Variants in LIN7A observed in about 807,000 individuals in gnomAD.
The protein encoded by LIN7A is protein lin-7 homolog A.
LIN7A carries 25 observed loss-of-function variants against 29.8 expected under a neutral mutation model. The ratio of observed to expected loss-of-function variants is 0.84; its 90% CI spans 0.61 to 1.17. The LOEUF (loss-of-function observed/expected upper bound fraction) is 1.17, where lower values mean the gene tolerates loss of function less well. LIN7A is among the 50% of genes most tolerant of loss of function. The pLI is 0.00. For synonymous variants in LIN7A, 118 were observed against 107.5 expected (o/e 1.10, Z -0.60); for missense variants, 239 against 287.0 (o/e 0.83, Z 1.21).
At chr12:80,925,249 GT>G (rs1291532370) in intron 1 of LIN7A, among the ~76,000 whole-genome samples, 1 of 152,188 alleles carries the variant, frequency 6.6e-6, no homozygotes, top group Non-Finnish European at 1.5e-5. Context: ...TATTTAAAAT[GT>G]GTTAATTGAA....
intron 4 of LIN7A, among the ~76,000 whole-genome samples, chr12:80,840,357 C>T (rs1404213188): frequency 6.6e-6 from 1 of 152,170 alleles, no homozygotes; most frequent in Non-Finnish European, 1.5e-5. Flanking sequence ...TGGTAAGCAT[C>T]AGTTATGATT....
intron 2 of LIN7A, among the ~76,000 whole-genome samples, chr12:80,855,563 A>G (rs1359042862): frequency 6.6e-6 from 1 of 152,120 alleles, no homozygotes; most frequent in Non-Finnish European, 1.5e-5. Flanking sequence ...TAGTTGGAAA[A>G]CATTCATAAT....
At chr12:80,894,583 AGT>A (rs1346533463) in intron 1 of LIN7A, among the ~76,000 whole-genome samples, 2 of 152,206 alleles carry the variant, frequency 1.3e-5, no homozygotes, top group African/African-American at 4.8e-5. Context: ...AATTTTGGAA[AGT>A]GAAACCACAG....
intron 2 of LIN7A, among the ~76,000 whole-genome samples, chr12:80,877,024 AG>A (rs1874741611): frequency 6.7e-6 from 1 of 149,688 alleles, no homozygotes; most frequent in South Asian, 2.1e-4. Flanking sequence ...GGGGAGGCTA[AG>A]GTAGGAGAAT....
chr12:80,856,225 A>C (rs749337204), intron 2 of LIN7A, among the ~76,000 whole-genome samples: 9 of 152,224 alleles, frequency 5.9e-5, no homozygotes, highest in Non-Finnish European at 1.2e-4. Context: ...TTTCCAGAGT[A>C]CTATCTTTCT....
At chr12:80,844,614 T>A (rs925084609) in intron 4 of LIN7A, among the ~76,000 whole-genome samples, 1 of 152,136 alleles carries the variant, frequency 6.6e-6, no homozygotes, top group African/African-American at 2.4e-5. Context: ...AATCGAAAGG[T>A]AACATTGATA....
chr12:80,848,553 T>A (rs1324582941), intron 2 of LIN7A, among the ~76,000 whole-genome samples: 1 of 152,058 alleles, frequency 6.6e-6, no homozygotes, highest in Non-Finnish European at 1.5e-5. Flanking sequence ...TAGAAAAAAA[T>A]TGTTTCTTAT....
At chr12:80,835,644 G>T (rs12372225) in intron 4 of LIN7A, among the ~76,000 whole-genome samples, 37,957 of 152,000 alleles carry the variant, frequency 0.25, 5,293 homozygotes, top group Non-Finnish European at 0.33. Flanking sequence ...GGTATCCAGC[G>T]TAATGCCAGA....
At position 80,845,909 on chromosome 12, in the gene LIN7A, C is replaced by T. The variant is rs1447338281; in HGVS notation, c.304G>A (p.Gly102Ser). 1.2e-6 allele frequency: 2 copies of T among 1,603,258 alleles called. No individual in the cohort carries two copies. The highest frequency in any genetic ancestry group is 1.7e-6 in the Non-Finnish European group (2 of 1,176,114). ...TCAACTACTCGAGGGTGGGAGTGGC[C>T]TTCACTAGCTGCAAAAGCTGCAACT... is the stretch of plus-strand genomic sequence containing the variant. ...ATVAAFAASE[G>S]HSHPRVVELP... is the part of the protein sequence containing the mutation. Residue 102 changes from glycine to serine, a missense_variant, in exon 4 of 6, where the codon GGC (glycine) becomes AGC (serine). Physicochemically the swap from Gly to Ser is moderately conservative, Grantham distance 56. Coordinates refer to ENST00000552864, the MANE Select transcript of LIN7A (RefSeq NM_004664.4).
chr12:80,885,824 T>C (rs1875296384), intron 2 of LIN7A, among the ~76,000 whole-genome samples: 1 of 152,138 alleles, frequency 6.6e-6, no homozygotes, highest in African/African-American at 2.4e-5. Flanking sequence ...ATACAGGTGC[T>C]GCACATATGC....
At chr12:80,800,856 C>A (rs1431722942) in intron 5 of LIN7A, among the ~76,000 whole-genome samples, 1 of 151,842 alleles carries the variant, frequency 6.6e-6, no homozygotes, top group Non-Finnish European at 1.5e-5. Context: ...AAACCCTCAA[C>A]AAAAGTTAGC....
At chr12:80,825,986 A>C (rs1413330423) in intron 4 of LIN7A, among the ~76,000 whole-genome samples, 1 of 152,210 alleles carries the variant, frequency 6.6e-6, no homozygotes, top group African/African-American at 2.4e-5. Flanking sequence ...TGTGTTTCCT[A>C]TAAAGTGTAA....
At chr12:80,839,336 C>T (rs529022077) in intron 4 of LIN7A, among the ~76,000 whole-genome samples, 1 of 152,316 alleles carries the variant, frequency 6.6e-6, no homozygotes, top group Non-Finnish European at 1.5e-5. Flanking sequence ...CTCTCTTCCT[C>T]AGTTTCTTCA....
At chr12:80,911,379 A>T (rs1876740890) in intron 1 of LIN7A, among the ~76,000 whole-genome samples, 1 of 150,470 alleles carries the variant, frequency 6.6e-6, no homozygotes, top group African/African-American at 2.4e-5. Flanking sequence ...GGCTACTGGC[A>T]GCTGGGAATA....
intron 2 of LIN7A, among the ~76,000 whole-genome samples, chr12:80,884,469 T>G (rs1165008006): frequency 6.6e-6 from 1 of 152,206 alleles, no homozygotes; most frequent in Non-Finnish European, 1.5e-5. Flanking sequence ...ATTGATAATT[T>G]ATCATATAAA....
intron 1 of LIN7A, among the ~76,000 whole-genome samples, chr12:80,911,203 T>C (rs191617677): frequency 6.6e-6 from 1 of 152,058 alleles, no homozygotes; most frequent in Non-Finnish European, 1.5e-5. Flanking sequence ...TTTACATACA[T>C]GAAAATGTGT....
At position 80,907,722 on chromosome 12, in the gene LIN7A, G is replaced by A. The variant is rs12228815; in HGVS notation, c.83-18353C>T. ...TTCTAGAGAGAATGGATTCCATAGA[G>A]TGTTACACCAACCTGGCTTTTTAGA... On this transcript the variant is annotated intron_variant, in intron 1 of 5. Coordinates refer to ENST00000552864, the MANE Select transcript of LIN7A (RefSeq NM_004664.4). Among the ~76,000 whole-genome samples the A allele has an allele frequency of 2.3e-3, 352 of 152,218 alleles. 16 individuals are homozygous for A. The East Asian group carries it at 0.061, about 26-fold the overall frequency.
chr12:80,856,820 G>A (rs1444194663), intron 2 of LIN7A, among the ~76,000 whole-genome samples: 2 of 151,914 alleles, frequency 1.3e-5, no homozygotes, highest in Admixed American at 6.6e-5. Context: ...TAATAGGATG[G>A]CAATACTTAT....
intron 2 of LIN7A, among the ~76,000 whole-genome samples, chr12:80,857,031 C>G (rs1333799259): frequency 6.6e-6 from 1 of 152,158 alleles, no homozygotes; most frequent in Non-Finnish European, 1.5e-5. Context: ...CATGCAGGAA[C>G]TGTACAAGGT....
Sources: gnomAD v4.1 joint callset for allele counts (sites outside exome capture counted in the v4.1 genomes callset) on GRCh38, gnomAD v4.1.1 for gene constraint, MANE v1.5 for transcripts, NCBI Gene and HGNC (gene_info 2026-07-23, HGNC 2026-07-21) for gene names.